CPLANE1: variants seen among roughly 807,000 people sequenced by gnomAD.
CPLANE1 encodes the protein ciliogenesis and planar polarity effector 1.
A neutral mutation model predicts 362.5 loss-of-function variants in CPLANE1; 263 were observed. The observed-to-expected ratio is 0.73, with a 90% CI of 0.66 to 0.80. CPLANE1 has a LOEUF of 0.80. Ranked by LOEUF, CPLANE1 falls within the 30% of genes least tolerant of loss-of-function variation. The pLI is 0.00. For missense variants in CPLANE1, 3,461 were observed against 3,793.4 expected (o/e 0.91, Z 2.30); for synonymous variants, 1,212 against 1,302.6 (o/e 0.93, Z 1.50).
chr5:37,116,221 A>C (rs1443375241), intron 50 of CPLANE1, among the ~76,000 whole-genome samples: 4 of 152,072 alleles, frequency 2.6e-5, no homozygotes, highest in African/African-American at 9.7e-5. Flanking sequence ...ACGGTGGCTC[A>C]CACCTGTAAT....
Position 37,209,150 on chromosome 5 carries a change from GAAGA to G in CPLANE1, c.2921-2729_2921-2726del. Among the ~76,000 whole-genome samples the G allele has an allele frequency of 6.6e-6, 1 of 152,288 alleles. No homozygotes were observed. Among genetic ancestry groups the G allele is most frequent in the South Asian group, 2.1e-4 (1 of 4,822 alleles). Reference sequence around the variant, plus strand: ...GTCCTCACTCATTCCTCAGAACCGCGAAGAAAGGAAGCTAGCGTGTTTGTTAGAA... The same window carrying G: ...GTCCTCACTCATTCCTCAGAACCGCGAAGGAAGCTAGCGTGTTTGTTAGAA... On this transcript the variant is annotated intron_variant, in intron 16 of 52. Coordinates refer to ENST00000651892, the MANE Select transcript of CPLANE1 (RefSeq NM_001384732.1). The surrounding 1 kb of genome is among the most constrained non-coding windows in gnomAD (Gnocchi z 4.6).
At chr5:37,187,270 G>C in intron 23 of CPLANE1, 144 bp downstream of exon 23, 1 of 643,042 alleles carries the variant, frequency 1.6e-6, no homozygotes. Flanking sequence ...AGGTCCTACA[G>C]TATTTACCTT....
intron 51 of CPLANE1, among the ~76,000 whole-genome samples, chr5:37,111,212 C>T (rs1382789609): frequency 2.6e-5 from 4 of 151,672 alleles, no homozygotes; most frequent in Non-Finnish European, 5.9e-5. Context: ...GCTCCACCTC[C>T]CGGGTTCACA....
chr5:37,085,461 C>T, the CPLANE1 span: 4 of 848,808 alleles, frequency 4.7e-6, no homozygotes, highest in Non-Finnish European at 8.3e-6. Context: ...AAAAGGAATC[C>T]CTCATCTGGT....
chr5:37,140,071 A>G, intron 44 of CPLANE1: 1 of 927,190 alleles, frequency 1.1e-6, no homozygotes, highest in Non-Finnish European at 1.3e-6. Context: ...TGTGTCCCAA[A>G]ATATAATTTT....
intron 18 of CPLANE1, among the ~76,000 whole-genome samples, chr5:37,203,945 G>A (rs1042220398): frequency 6.6e-6 from 1 of 152,156 alleles, no homozygotes; most frequent in South Asian, 2.1e-4. Context: ...TTATTTGCTT[G>A]TTGTTTCTGA....
chr5:37,210,943 G>T, intron 16 of CPLANE1: 5 of 780,350 alleles, frequency 6.4e-6, no homozygotes, highest in Non-Finnish European at 2.4e-6. Flanking sequence ...CAGATACTAG[G>T]TTACAAAGTT....
chr5:37,096,858 C>T, the CPLANE1 span, among the ~76,000 whole-genome samples: 2 of 151,960 alleles, frequency 1.3e-5, no homozygotes, highest in Non-Finnish European at 2.9e-5. Flanking sequence ...AATGCGATAC[C>T]ACCTTACTCC....
At chr5:37,079,195 T>TAAG in the CPLANE1 span, among the ~76,000 whole-genome samples, 6 of 152,214 alleles carry the variant, frequency 3.9e-5, no homozygotes, top group Admixed American at 3.9e-4. Flanking sequence ...GTTTTACATT[T>TAAG]AAGTCTTTAA....
the CPLANE1 span, among the ~76,000 whole-genome samples, chr5:37,080,378 A>G: frequency 6.6e-6 from 1 of 152,312 alleles, no homozygotes; most frequent in South Asian, 2.1e-4. Context: ...GGCAGTCACA[A>G]TGGCTGGAAT....
chr5:37,076,739 C>CATT, the CPLANE1 span, among the ~76,000 whole-genome samples: 1 of 151,284 alleles, frequency 6.6e-6, no homozygotes, highest in African/African-American at 2.4e-5. Flanking sequence ...TTTTAAAAAC[C>CATT]ATTTCTTTTA....
Position 37,205,357 on chromosome 5 carries a change from C to T in CPLANE1, c.3247G>A (p.Glu1083Lys). The change falls in exon 18 of 53, where the codon GAA becomes AAA. Residue 1083 changes from glutamate to lysine, a missense_variant. This residue lies in a region of CPLANE1 where 3,380 missense variants were observed against 3,666.1 expected (regional missense o/e 0.92). Coordinates refer to ENST00000651892, the MANE Select transcript of CPLANE1 (RefSeq NM_001384732.1). ...TTTGAGCCCATTTCATTTTTTGCTT[C>T]CAAAGAGGCTGGTTGACCTAAAACA... ...QCVLGQPASLEAKNEMGSKYK... is the reference protein window; with the variant it reads ...QCVLGQPASLKAKNEMGSKYK... 1 of 1,550,534 alleles carries T rather than the reference C, an allele frequency of 6.4e-7. No individual in the cohort carries two copies. The highest frequency in any genetic ancestry group is 8.7e-7 in the Non-Finnish European group (1 of 1,146,518).
chr5:37,188,149 T>A (rs1307626402), intron 21 of CPLANE1, among the ~76,000 whole-genome samples: 2 of 152,244 alleles, frequency 1.3e-5, no homozygotes, highest in African/African-American at 4.8e-5. Flanking sequence ...AATCATACTA[T>A]GTATGCTGCT....
At chr5:37,139,513 A>T in intron 44 of CPLANE1, 143 bp from the exon 45 acceptor site, 1 of 1,124,348 alleles carries the variant, frequency 8.9e-7, no homozygotes, top group Non-Finnish European at 1.1e-6. Context: ...TATTTACAGC[A>T]TATTTATCCT....
At chr5:37,224,966 T>A (rs893953993) in intron 12 of CPLANE1, among the ~76,000 whole-genome samples, 2 of 143,824 alleles carry the variant, frequency 1.4e-5, no homozygotes, top group African/African-American at 2.7e-5. Flanking sequence ...TTTTTTTTTT[T>A]AAGACACAAG....
intron 51 of CPLANE1, among the ~76,000 whole-genome samples, chr5:37,113,346 C>T (rs1265277293): frequency 6.6e-6 from 1 of 152,184 alleles, no homozygotes; most frequent in Admixed American, 6.5e-5. Flanking sequence ...TTTTGCCTGC[C>T]ACCATGTAAG....
chr5:37,247,869 C>A, intron 1 of CPLANE1, 124 bp from the exon 2 acceptor site: 6 of 588,494 alleles, frequency 1.0e-5, no homozygotes, highest in Non-Finnish European at 1.6e-5. Context: ...ATGATCTCAG[C>A]TCACTGCAAC....
chr5:37,127,666 G>A (rs1274658490), intron 46 of CPLANE1, among the ~76,000 whole-genome samples: 2 of 151,198 alleles, frequency 1.3e-5, no homozygotes, highest in Non-Finnish European at 2.9e-5. Flanking sequence ...TTACAGGCTT[G>A]CACCACCACG....
chr5:37,208,235 A>T (rs1791393570), intron 16 of CPLANE1, among the ~76,000 whole-genome samples: 1 of 152,226 alleles, frequency 6.6e-6, no homozygotes, highest in Non-Finnish European at 1.5e-5. Context: ...ATAGGCCAAC[A>T]TGCCCAGCCC....
Sources: gnomAD v4.1 joint callset for allele counts (sites outside exome capture counted in the v4.1 genomes callset) on GRCh38, gnomAD v4.1.1 for gene constraint, gnomAD v4.1.1 regional missense constraint, Gnocchi (gnomAD v3.1) non-coding constraint, MANE v1.5 for transcripts, NCBI Gene and HGNC (gene_info 2026-07-23, HGNC 2026-07-21) for gene names.